The following MTA3 variants were observed in gnomAD, a reference collection of about 807,000 sequenced individuals.
The protein encoded by MTA3 is metastasis associated 1 family member 3.
A neutral mutation model predicts 83.5 loss-of-function variants in MTA3; 34 were observed. The observed-to-expected ratio is 0.41, with a 90% CI of 0.31 to 0.54. The LOEUF (loss-of-function observed/expected upper bound fraction) is 0.54, where lower values mean the gene tolerates loss of function less well. MTA3 is among the 20% of genes least tolerant of loss of function. The pLI is 0.33. For missense variants in MTA3, 761 were observed against 726.4 expected (o/e 1.05, Z -0.55); for synonymous variants, 303 against 252.7 (o/e 1.20, Z -1.89).
At chr2:42,656,137 T>C in intron 6 of MTA3, 63 bp from the exon 7 acceptor site, 1 of 1,197,372 alleles carries the variant, frequency 8.4e-7, no homozygotes, top group African/African-American at 1.5e-5. Flanking sequence ...ACAGTTGTCA[T>C]CAGTGGTATG....
At chr2:42,561,549 C>T (rs895125253) in intron 2 of MTA3, among the ~76,000 whole-genome samples, 2 of 152,096 alleles carry the variant, frequency 1.3e-5, no homozygotes, top group Non-Finnish European at 2.9e-5. Context: ...TCTCAAACTC[C>T]TGACATCAGG....
intron 11 of MTA3, among the ~76,000 whole-genome samples, chr2:42,699,260 G>C (rs1419434125): frequency 6.6e-6 from 1 of 152,134 alleles, no homozygotes; most frequent in African/African-American, 2.4e-5. Flanking sequence ...TAAGTGCAGT[G>C]GTGCAGTCAT....
At chr2:42,605,031 C>G (rs1209431174) in intron 3 of MTA3, among the ~76,000 whole-genome samples, 1 of 150,836 alleles carries the variant, frequency 6.6e-6, no homozygotes, top group Non-Finnish European at 1.5e-5. Flanking sequence ...CTTTTCCCCA[C>G]CTTTCCCGCC....
At chr2:42,635,230 T>C (rs946971619) in intron 4 of MTA3, among the ~76,000 whole-genome samples, 1 of 152,198 alleles carries the variant, frequency 6.6e-6, no homozygotes, top group African/African-American at 2.4e-5. Context: ...TGATTGTTCA[T>C]TGTGTTCATT....
At chr2:42,536,858 CAAAAAA>C (rs71410118) in intron 2 of MTA3, among the ~76,000 whole-genome samples, 1 of 84,320 alleles carries the variant, frequency 1.2e-5, no homozygotes, top group Middle Eastern at 6.6e-3. Flanking sequence ...GACCCCATCT[CAAAAAA>C]AAAAAAAAAA....
chr2:42,662,701 CTA>C (rs1219622547), intron 8 of MTA3, among the ~76,000 whole-genome samples: 1 of 151,058 alleles, frequency 6.6e-6, no homozygotes, highest in East Asian at 1.9e-4. Context: ...TCCACCGCCC[CTA>C]TGTTTTCCCT....
Position 42,756,681 on chromosome 2 carries a change from A to G in MTA3, c.*3282A>G. 2 of 984,970 alleles carry G rather than the reference A, an allele frequency of 2.0e-6. No homozygotes were observed. The highest frequency in any genetic ancestry group is 2.4e-6 in the Non-Finnish European group (2 of 829,878). 61.0% of individuals were successfully genotyped at this position (984,970 alleles called of 1,614,324 possible). ...TGTTGTCCCTGTTTTCCTTTGGGGGAATTTACTCAGTTAGCAGCCCCTCCT... is the reference window on the plus strand; with the variant it reads ...TGTTGTCCCTGTTTTCCTTTGGGGGGATTTACTCAGTTAGCAGCCCCTCCT... On this transcript the variant is annotated 3_prime_UTR_variant, in exon 17 of 17. Coordinates refer to ENST00000405094, the MANE Select transcript of MTA3 (RefSeq NM_001330442.2).
chr2:42,594,132 A>G (rs1395913747), intron 3 of MTA3, among the ~76,000 whole-genome samples: 1 of 150,266 alleles, frequency 6.7e-6, no homozygotes, highest in Non-Finnish European at 1.5e-5. Context: ...TTGTATTTTT[A>G]GTAGAGGTGG....
intron 4 of MTA3, among the ~76,000 whole-genome samples, chr2:42,622,032 A>G (rs1242536764): frequency 1.3e-5 from 2 of 152,114 alleles, no homozygotes; most frequent in East Asian, 1.9e-4. Context: ...CAGTCTCGGC[A>G]CTTTGGGAGG....
At chr2:42,516,603 G>C (rs780453568) in intron 2 of MTA3, among the ~76,000 whole-genome samples, 51 of 152,160 alleles carry the variant, frequency 3.4e-4, no homozygotes, top group Non-Finnish European at 1.6e-4. Flanking sequence ...TGGCTCACCG[G>C]CGGGAACTTA....
At chr2:42,670,771 A>G (rs1690722942) in intron 8 of MTA3, among the ~76,000 whole-genome samples, 1 of 150,162 alleles carries the variant, frequency 6.7e-6, no homozygotes, top group African/African-American at 2.4e-5. Flanking sequence ...TATAGTTCTT[A>G]ACAGTTTGAA....
intron 16 of MTA3, among the ~76,000 whole-genome samples, chr2:42,733,650 CTTGT>C (rs1478749499): frequency 1.3e-5 from 2 of 151,990 alleles, no homozygotes; most frequent in African/African-American, 4.8e-5. Context: ...TGTGTTTTTG[CTTGT>C]TTGTTTTTGT....
intron 2 of MTA3, among the ~76,000 whole-genome samples, chr2:42,500,259 CGTG>C (rs1419669281): frequency 6.6e-6 from 1 of 151,942 alleles, no homozygotes; most frequent in East Asian, 1.9e-4. Flanking sequence ...ATTAGCTGGA[CGTG>C]GTGGTGGGCG....
In MTA3 at chr2:42,722,985, C is replaced by T; in HGVS notation, c.1709C>T (p.Ser570Phe). ...ATGCTAACAACTCCAAATCACACAT[C>T]TCTGAGCATTCTGGGGAAAAGAAAC... ...KRMLTTPNHT[S>F]LSILGKRNYS... Residue 570 changes from serine (S) to phenylalanine (F), a missense_variant, in exon 16 of 17, where the codon TCT becomes TTT. Coordinates refer to ENST00000405094, the MANE Select transcript of MTA3 (RefSeq NM_001330442.2). 1 of 1,551,168 alleles carries T rather than the reference C, an allele frequency of 6.4e-7. No individual in the cohort carries two copies.
chr2:42,539,271 G>C (rs1429912021), intron 2 of MTA3, among the ~76,000 whole-genome samples: 2 of 152,112 alleles, frequency 1.3e-5, no homozygotes, highest in East Asian at 3.8e-4. Flanking sequence ...AGGTTTAATT[G>C]ACTTACAGTT....
upstream of MTA3, chr2:42,568,626 C>A (rs1482539048): frequency 2.1e-6 from 1 of 487,122 alleles, no homozygotes; most frequent in Non-Finnish European, 2.9e-6. Flanking sequence ...CCCTCCCTTC[C>A]CCCCCGTGGC....
chr2:42,602,001 G>A (rs1000775652), intron 3 of MTA3, among the ~76,000 whole-genome samples: 3 of 152,092 alleles, frequency 2.0e-5, no homozygotes, highest in Non-Finnish European at 1.5e-5. Flanking sequence ...CACCTTGCCC[G>A]GCTAATTTTT....
At chr2:42,629,425 C>G (rs983075237) in intron 4 of MTA3, among the ~76,000 whole-genome samples, 12 of 152,170 alleles carry the variant, frequency 7.9e-5, no homozygotes, top group African/African-American at 2.6e-4. Context: ...AAACTTATGA[C>G]ATGCCCTCTT....
At chr2:42,512,967 C>A (rs181967554) in intron 2 of MTA3, among the ~76,000 whole-genome samples, 126 of 152,246 alleles carry the variant, frequency 8.3e-4, no homozygotes, top group Admixed American at 2.9e-3. Context: ...TTAATGGCAC[C>A]AATCAAACCA....
Sources: allele counts gnomAD v4.1 joint callset (sites outside exome capture counted in the v4.1 genomes callset), GRCh38; gene constraint gnomAD v4.1.1; transcripts MANE v1.5; gene names NCBI Gene and HGNC (gene_info 2026-07-23, HGNC 2026-07-21).